Variants in WDR70 observed in about 807,000 individuals in gnomAD.
The protein encoded by WDR70 is WD repeat-containing protein 70.
Under a neutral mutation model 88.6 loss-of-function variants are expected in WDR70, and 53 were observed. The observed-to-expected ratio is 0.60, with a 90% CI of 0.48 to 0.75. The LOEUF is 0.75. Among genes scored for constraint, WDR70 ranks in the 30% least tolerant of loss-of-function variants. WDR70 has a pLI of 0.00. For missense variants in WDR70, 610 were observed against 823.2 expected (o/e 0.74, Z 3.17); for synonymous variants, 280 against 270.0 (o/e 1.04, Z -0.36).
chr5:37,633,681 A>G lies in WDR70; in HGVS notation c.1092+28443A>G, dbSNP rs548407271. Among the ~76,000 whole-genome samples, 4 of 152,296 alleles carry G rather than the reference A, an allele frequency of 2.6e-5. No homozygotes were observed. The South Asian group carries it at 6.2e-4, about 24-fold the overall frequency. On this transcript the variant is annotated intron_variant, in intron 10 of 17. Coordinates refer to ENST00000265107, the MANE Select transcript of WDR70 (RefSeq NM_018034.4). ...AAATATGTGTCGCAAAGAGGAAAAT[A>G]TATTTTAGACATTTCACTGAATCGT...
chr5:37,471,129 G>A (rs995196128), intron 7 of WDR70, among the ~76,000 whole-genome samples: 7 of 152,052 alleles, frequency 4.6e-5, no homozygotes, highest in Non-Finnish European at 7.4e-5. Flanking sequence ...TGATTCACCC[G>A]CCTTGGCCTC....
intron 8 of WDR70, among the ~76,000 whole-genome samples, chr5:37,502,536 C>A (rs2112223024): frequency 6.6e-6 from 1 of 152,186 alleles, no homozygotes; most frequent in African/African-American, 2.4e-5. Context: ...TTTATGCATC[C>A]ATTGAGGTAA....
chr5:37,651,162 T>G (rs1366995685), intron 10 of WDR70, among the ~76,000 whole-genome samples: 1 of 152,030 alleles, frequency 6.6e-6, no homozygotes, highest in Non-Finnish European at 1.5e-5. Context: ...CCTCCCTCTG[T>G]CCATGTGTTC....
At chr5:37,597,283 T>C (rs1423724323) in intron 9 of WDR70, among the ~76,000 whole-genome samples, 1 of 152,212 alleles carries the variant, frequency 6.6e-6, no homozygotes, top group Non-Finnish European at 1.5e-5. Context: ...TTTTCCACAG[T>C]TGCAGTTCCA....
chr5:37,557,043 G>A (rs2112362398), intron 9 of WDR70, among the ~76,000 whole-genome samples: 1 of 152,220 alleles, frequency 6.6e-6, no homozygotes, highest in East Asian at 1.9e-4. Context: ...GTATGTTAGA[G>A]ATGAAATCAT....
chr5:37,688,853 GGA>G (rs931962711), intron 10 of WDR70, among the ~76,000 whole-genome samples: 225 of 140,218 alleles, frequency 1.6e-3, no homozygotes, highest in Middle Eastern at 3.6e-3. Context: ...TGCAGCCCAT[GGA>G]GGGGGCAAGC....
intron 10 of WDR70, among the ~76,000 whole-genome samples, chr5:37,624,809 A>G (rs1255088224): frequency 6.6e-6 from 1 of 152,256 alleles, no homozygotes; most frequent in African/African-American, 2.4e-5. Context: ...GAAACTCAGG[A>G]GGGTCATCTG....
chr5:37,698,699 G>A (rs1747055669), intron 11 of WDR70, among the ~76,000 whole-genome samples: 1 of 152,174 alleles, frequency 6.6e-6, no homozygotes. Flanking sequence ...TTACAACCCA[G>A]TGTATAGGAT....
In WDR70 at chr5:37,532,729, T is replaced by G. The variant is rs189469479; in HGVS notation, c.917+16139T>G. On this transcript the variant is annotated intron_variant, in intron 9 of 17. Transcript: ENST00000265107. ...TTTCTCTGTTGACTCCGTGATTCGC[T>G]TAATAATCGACCTTCTAAATTCTTT... Among the ~76,000 whole-genome samples, 35 of 152,300 alleles carry G rather than the reference T, an allele frequency of 2.3e-4. No homozygotes were observed. In the East Asian group the frequency reaches 4.6e-3, roughly 20 times the overall value.
At chr5:37,619,651 CTT>C (rs1239952372) in intron 10 of WDR70, among the ~76,000 whole-genome samples, 2 of 152,224 alleles carry the variant, frequency 1.3e-5, no homozygotes, top group African/African-American at 4.8e-5. Flanking sequence ...TTAACCTACT[CTT>C]TGATTCATTG....
intron 8 of WDR70, among the ~76,000 whole-genome samples, chr5:37,514,336 CTACATATATA>C (rs1286322436): frequency 1.8e-4 from 2 of 10,944 alleles, no homozygotes; most frequent in Non-Finnish European, 2.0e-3. Flanking sequence ...ATATTTAGAA[CTACATATATA>C]TATATATATA....
chr5:37,559,310 A>G (rs1581392688), intron 9 of WDR70, among the ~76,000 whole-genome samples: 1 of 152,290 alleles, frequency 6.6e-6, no homozygotes, highest in East Asian at 1.9e-4. Context: ...TTGGCCTGGC[A>G]TAATTTATCA....
At chr5:37,475,772 A>G (rs1739461836) in intron 7 of WDR70, among the ~76,000 whole-genome samples, 1 of 151,408 alleles carries the variant, frequency 6.6e-6, no homozygotes, top group Admixed American at 6.6e-5. Flanking sequence ...TAAACCATCC[A>G]TCTTATTCAC....
intron 17 of WDR70, among the ~76,000 whole-genome samples, chr5:37,749,404 AAC>A (rs369104771): frequency 8.5e-5 from 13 of 152,078 alleles, no homozygotes; most frequent in African/African-American, 3.1e-4. Context: ...GAACATTGAG[AAC>A]ACAGAGAGGG....
At chr5:37,697,520 T>C (rs771124260) in intron 10 of WDR70, 135 bp from the exon 11 acceptor site, 4 of 639,802 alleles carry the variant, frequency 6.3e-6, no homozygotes, top group Non-Finnish European at 1.1e-5. Flanking sequence ...AAGCAAATTA[T>C]AATCATGTGA....
intron 8 of WDR70, among the ~76,000 whole-genome samples, chr5:37,484,060 C>T (rs1266687347): frequency 1.3e-5 from 2 of 152,056 alleles, no homozygotes; most frequent in African/African-American, 4.8e-5. Context: ...AGGCGCTCCT[C>T]ACTTCCCAGA....
intron 5 of WDR70, among the ~76,000 whole-genome samples, chr5:37,433,022 CT>C (rs1750361005): frequency 1.3e-5 from 2 of 152,094 alleles, no homozygotes; most frequent in African/African-American, 4.8e-5. Context: ...TTGATTATCT[CT>C]TTTGATGCCC....
intron 9 of WDR70, among the ~76,000 whole-genome samples, chr5:37,552,746 C>T (rs1464486730): frequency 6.6e-6 from 1 of 152,148 alleles, no homozygotes; most frequent in Non-Finnish European, 1.5e-5. Flanking sequence ...TATTTTGGGT[C>T]GTTCGCTACA....
chr5:37,583,112 A>G (rs1455587468), intron 9 of WDR70, among the ~76,000 whole-genome samples: 1 of 152,164 alleles, frequency 6.6e-6, no homozygotes, highest in Admixed American at 6.5e-5. Flanking sequence ...CACATAGAAA[A>G]TGTATCCCCC....
Sources: gnomAD v4.1 joint callset for allele counts (sites outside exome capture counted in the v4.1 genomes callset) on GRCh38, gnomAD v4.1.1 for gene constraint, MANE v1.5 for transcripts, NCBI Gene and HGNC (gene_info 2026-07-23, HGNC 2026-07-21) for gene names.